Variants in ATRX observed in about 807,000 individuals in gnomAD.
ATRX encodes the protein chromatin remodeler ATRX.
ATRX carries 12 observed loss-of-function variants against 172.6 expected under a neutral mutation model. The ratio of observed to expected loss-of-function variants is 0.07; its 90% CI spans 0.04 to 0.11. The LOEUF (loss-of-function observed/expected upper bound fraction) is 0.11. Ranked by LOEUF, ATRX falls within the 10% of genes least tolerant of loss-of-function variation. The pLI, the probability that ATRX is intolerant of heterozygous loss-of-function variation, is 1.00. For synonymous variants in ATRX, 674 were observed against 594.7 expected (o/e 1.13, Z -1.94); for missense variants, 1,368 against 1,767.4 (o/e 0.77, Z 4.05).
In ATRX at chrX:77,684,188, T is replaced by C. The variant is rs2148631255; in HGVS notation, c.1068A>G (p.Ala356=). The change falls in exon 9 of 35, where the codon GCA becomes GCG. Residue 356 remains alanine (A), a synonymous_variant. Coordinates refer to ENST00000373344, the MANE Select transcript of ATRX (RefSeq NM_000489.6). The part of the protein sequence containing the change: ...LIVPKEMIKK[A]KKLIETTANM... ...TGGCTGTGGTCTCAATCAGTTTTTT[T>C]GCCTTCTTAATCATCTCTTTGGGCA... 8.3e-7 allele frequency: 1 copy of C among 1,210,913 alleles called. No homozygotes were observed.
Position 77,725,192 on chromosome X carries a change from G to GGA in ATRX, c.21-7951_21-7950dup, listed in dbSNP as rs2073973326. Among the ~76,000 whole-genome samples, 3 of 111,308 alleles carry GGA rather than the reference G, an allele frequency of 2.7e-5. No individual in the cohort carries two copies. The South Asian group carries it at 1.1e-3, about 42-fold the overall frequency. ...AATCCTAAGCAAAAAGAACAAAGCTGGAGGCATCACGCTACCTGACTTCAA... is the reference window on the plus strand; with the variant it reads ...AATCCTAAGCAAAAAGAACAAAGCTGGAGAGGCATCACGCTACCTGACTTCAA... On this transcript the variant is annotated intron_variant, in intron 1 of 34. Transcript: ENST00000373344.
chrX:77,670,041 C>A (rs1262479301), intron 10 of ATRX, among the ~76,000 whole-genome samples: 1 of 111,619 alleles, frequency 9.0e-6, no homozygotes, highest in Non-Finnish European at 1.9e-5. Context: ...CATATTTAAT[C>A]CAGTATGCAC....
chrX:77,771,966 G>A (rs889041161), intron 1 of ATRX, among the ~76,000 whole-genome samples: 9 of 111,612 alleles, frequency 8.1e-5, no homozygotes, highest in African/African-American at 2.9e-4. Context: ...GAGACAATCT[G>A]TTCTAAAATA....
At chrX:77,627,564 C>T (rs782730958) in intron 19 of ATRX, among the ~76,000 whole-genome samples, 9 of 109,900 alleles carry the variant, frequency 8.2e-5, no homozygotes, top group Non-Finnish European at 1.7e-4. Flanking sequence ...CCCTCGTCTC[C>T]AAAAAATTAG....
chrX:77,675,345 C>A (rs959995124), intron 10 of ATRX: 1 of 111,326 alleles, frequency 9.0e-6, no homozygotes, highest in Non-Finnish European at 1.9e-5. Flanking sequence ...AAAGTAAAGT[C>A]ACTTGCCCAT....
At chrX:77,704,641 T>C (rs1000007753) in intron 2 of ATRX, among the ~76,000 whole-genome samples, 1 of 112,037 alleles carries the variant, frequency 8.9e-6, no homozygotes, top group Non-Finnish European at 1.9e-5. Context: ...AGCTTCCCTA[T>C]GTTTGTCAGT....
At chrX:77,547,173 A>G (rs1339013674) in intron 30 of ATRX, among the ~76,000 whole-genome samples, 1 of 111,630 alleles carries the variant, frequency 9.0e-6, no homozygotes, top group African/African-American at 3.3e-5. Flanking sequence ...TATGACCTTA[A>G]GCAGCAAATA....
At chrX:77,616,963 G>T (rs1264649725) in intron 21 of ATRX, among the ~76,000 whole-genome samples, 1 of 111,488 alleles carries the variant, frequency 9.0e-6, no homozygotes, top group Non-Finnish European at 1.9e-5. Flanking sequence ...AACACACCAG[G>T]TAGGTTTTAA....
At chrX:77,522,553 T>C in intron 31 of ATRX, 165 bp from the exon 32 acceptor site, 2 of 575,458 alleles carry the variant, frequency 3.5e-6, no homozygotes, top group Non-Finnish European at 5.6e-6. Context: ...AAGATCTTAT[T>C]ACAAGGAAAG....
intron 1 of ATRX, among the ~76,000 whole-genome samples, chrX:77,737,435 A>AGGGGGGGG (rs1210379916): frequency 5.1e-5 from 2 of 39,165 alleles, no homozygotes; most frequent in African/African-American, 2.9e-4. Context: ...AAAAAAAAAA[A>AGGGGGGGG]GGGGGGGGGG....
chrX:77,633,890 T>C (rs1247577740), intron 17 of ATRX, 178 bp from the exon 18 acceptor site: 9 of 452,228 alleles, frequency 2.0e-5, no homozygotes, highest in South Asian at 3.4e-5. Flanking sequence ...AGATGATGTA[T>C]CAGGCTCTTC....
intron 34 of ATRX, among the ~76,000 whole-genome samples, chrX:77,512,849 A>G (rs1557037183): frequency 9.1e-6 from 1 of 110,149 alleles, no homozygotes; most frequent in Non-Finnish European, 1.9e-5. Flanking sequence ...CAGCCTGGGC[A>G]ACACAGTGAA....
In ATRX at chrX:77,652,279, TTCC is replaced by T. The variant is rs1298821881; in HGVS notation, c.4389_4391del (p.Glu1464del). On this transcript the variant is annotated inframe_deletion, in exon 15 of 35. Transcript: ENST00000373344. ...GAGACTTGGAATCATCATTTTCATCTTCCTCCTCCTCTTCCTCCTCCTCCTCCT... is the reference window on the plus strand; with the variant it reads ...GAGACTTGGAATCATCATTTTCATCTTCCTCCTCTTCCTCCTCCTCCTCCT... 3 of 1,207,037 alleles carry T rather than the reference TTCC, an allele frequency of 2.5e-6. No homozygotes were observed. Among genetic ancestry groups the T allele is most frequent in the Non-Finnish European group, 3.4e-6 (3 of 894,663 alleles).
intron 2 of ATRX, among the ~76,000 whole-genome samples, chrX:77,707,711 C>T (rs1569541663): frequency 8.9e-6 from 1 of 111,920 alleles, no homozygotes; most frequent in East Asian, 2.8e-4. Flanking sequence ...CATGCCACTG[C>T]ACTCCAGCCT....
chrX:77,633,857 T>G lies in ATRX; in HGVS notation c.4810-145A>C, dbSNP rs782037066. ...ACCAGGCAAGGCACAGGGAAAGAGA[T>G]AGTAAAATGCCAAAGTTCAACTAGA... On this transcript the variant is annotated intron_variant, in intron 17 of 34. Transcript: ENST00000373344. 1.6e-4 allele frequency: 94 copies of G among 574,915 alleles called. 1 individual carries two copies. In the East Asian group the frequency reaches 3.4e-3, roughly 21 times the overall value. The allele number at this position is 574,915 out of a possible 1,213,427, so 47.4% of individuals were successfully genotyped here.
chrX:77,742,676 CAG>C (rs1557182849), intron 1 of ATRX, among the ~76,000 whole-genome samples: 1 of 111,832 alleles, frequency 8.9e-6, no homozygotes, highest in Non-Finnish European at 1.9e-5. Context: ...AAAAGGAAAA[CAG>C]AGAGCCTGTG....
chrX:77,783,184 A>C (rs922019943), intron 1 of ATRX, among the ~76,000 whole-genome samples: 1 of 111,828 alleles, frequency 8.9e-6, no homozygotes, highest in African/African-American at 3.3e-5. Context: ...GCAGTAAGCC[A>C]AGATCACGCC....
intron 1 of ATRX, among the ~76,000 whole-genome samples, chrX:77,774,724 T>G (rs560809882): frequency 2.7e-5 from 3 of 111,242 alleles, no homozygotes; most frequent in African/African-American, 9.8e-5. Flanking sequence ...TCTTTTATTT[T>G]AAGAGATGGG....
At chrX:77,558,355 C>CAA (rs35419688) in intron 29 of ATRX, among the ~76,000 whole-genome samples, 5 of 109,746 alleles carry the variant, frequency 4.6e-5, no homozygotes, top group South Asian at 3.9e-4. Flanking sequence ...AAGGATCTAC[C>CAA]AAAAAAAACC....
Sources: allele counts gnomAD v4.1 joint callset (sites outside exome capture counted in the v4.1 genomes callset), GRCh38; gene constraint gnomAD v4.1.1; transcripts MANE v1.5; gene names NCBI Gene and HGNC (gene_info 2026-07-23, HGNC 2026-07-21).